Variants in ANO6 observed in about 807,000 individuals in gnomAD.
ANO6 encodes anoctamin-6.
Under a neutral mutation model 117.5 loss-of-function variants are expected in ANO6, and 106 were observed. That is an observed-to-expected ratio of 0.90 (90% CI 0.77 to 1.06). The LOEUF (loss-of-function observed/expected upper bound fraction) is 1.06. Ranked by LOEUF, ANO6 falls within the 50% of genes least tolerant of loss-of-function variation. The probability of loss-of-function intolerance (pLI) is 0.00; values close to 1 mark genes in which losing one functional copy is unlikely to be tolerated. For missense variants in ANO6, 955 were observed against 1,121.1 expected, an observed-to-expected ratio of 0.85 and a Z score of 2.12; for synonymous variants, 367 against 385.1, an observed-to-expected ratio of 0.95 and a Z score of 0.55.
At chr12:45,413,011 G>T (rs1477225057) in intron 16 of ANO6, among the ~76,000 whole-genome samples, 1 of 152,214 alleles carries the variant, frequency 6.6e-6, no homozygotes, top group African/African-American at 2.4e-5. Flanking sequence ...GGACTCACAG[G>T]TGGGAATATC....
intron 1 of ANO6, among the ~76,000 whole-genome samples, chr12:45,261,623 T>A (rs1826250022): frequency 6.6e-6 from 1 of 152,252 alleles, no homozygotes; most frequent in African/African-American, 2.4e-5. Context: ...GCTTCTAATT[T>A]ATTTGTAAAT....
intron 1 of ANO6, among the ~76,000 whole-genome samples, chr12:45,285,727 C>CAA (rs1204485374): frequency 6.4e-4 from 65 of 101,848 alleles, no homozygotes; most frequent in Admixed American, 1.3e-3. Context: ...GACTCCGTCT[C>CAA]AAAAAAAAAA....
Position 45,384,185 on chromosome 12 carries a change from C to T in ANO6, c.1166-3976C>T, listed in dbSNP as rs146220683. The stretch of plus-strand genomic sequence containing the variant: ...CTTTTCTTCTGCAGCTTCCTCACCT[C>T]TCTCAGCCTTCATAGAGTGGAAGGG... On this transcript the variant is annotated intron_variant, in intron 10 of 19. Coordinates refer to ENST00000320560, the MANE Select transcript of ANO6 (RefSeq NM_001025356.3). 1.6e-4 allele frequency among the ~76,000 whole-genome samples: 24 copies of T among 152,334 alleles called. 1 individual carries two copies. The East Asian group carries it at 4.6e-3, about 29-fold the overall frequency.
intron 1 of ANO6, among the ~76,000 whole-genome samples, chr12:45,289,220 G>T (rs371443323): frequency 1.4e-5 from 2 of 142,570 alleles, no homozygotes; most frequent in South Asian, 4.4e-4. Flanking sequence ...AGGCTCAAGT[G>T]CAGGGGTGCA....
intron 8 of ANO6, among the ~76,000 whole-genome samples, chr12:45,367,455 T>G (rs1169819400): frequency 1.3e-5 from 2 of 152,188 alleles, no homozygotes; most frequent in African/African-American, 4.8e-5. Flanking sequence ...AAAGAAACAG[T>G]GATAGCAGAA....
chr12:45,236,026 G>A (rs1947640034), intron 1 of ANO6, among the ~76,000 whole-genome samples: 1 of 152,252 alleles, frequency 6.6e-6, no homozygotes, highest in Non-Finnish European at 1.5e-5. Flanking sequence ...AAGGGGAGAA[G>A]GGTCCTCTCT....
Position 45,388,290 on chromosome 12 carries a change from A to G in ANO6, c.1295A>G (p.Asn432Ser). ...GCACGATGTACTCACGTAGTGATAA[A>G]TGAGATTACTCAGGTAAGCAGGGTC... The part of the protein sequence containing the change: ...YEARCTHVVI[N>S]EITQEEERIP... Residue 432 changes from asparagine (N) to serine (S), a missense_variant, in exon 11 of 20, where the codon AAT becomes AGT. By Grantham distance (46) the Asn-to-Ser change is conservative (BLOSUM62 1). Transcript: ENST00000320560. 6.2e-7 allele frequency: 1 copy of G among 1,614,030 alleles called. No homozygotes were observed. The highest frequency in any genetic ancestry group is 8.5e-7 in the Non-Finnish European group (1 of 1,179,914).
At position 45,340,714 on chromosome 12, in the gene ANO6, T is replaced by G. The variant is rs981220181; in HGVS notation, c.280-6308T>G. On this transcript the variant is annotated intron_variant, in intron 3 of 19. Coordinates refer to ENST00000320560, the MANE Select transcript of ANO6 (RefSeq NM_001025356.3). ...TATGTCAGCCAATATGCAATATTAA[T>G]TATCTTTCATTTTTAACATGGAAGA... is the stretch of plus-strand genomic sequence containing the variant. Among the ~76,000 whole-genome samples the G allele has an allele frequency of 1.9e-4, 29 of 152,170 alleles. 1 individual carries two copies. The highest frequency in any genetic ancestry group is 4.4e-5 in the Non-Finnish European group (3 of 68,004).
intron 9 of ANO6, among the ~76,000 whole-genome samples, chr12:45,374,866 G>A (rs1941958475): frequency 1.3e-5 from 2 of 152,138 alleles, no homozygotes; most frequent in Admixed American, 1.3e-4. Context: ...CAATTTGGCA[G>A]GAGAAAGAAA....
intron 1 of ANO6, among the ~76,000 whole-genome samples, chr12:45,268,681 T>A (rs977015933): frequency 1.3e-5 from 2 of 152,166 alleles, no homozygotes; most frequent in African/African-American, 4.8e-5. Flanking sequence ...AGAGTTGTTG[T>A]GAAAGGCATT....
chr12:45,339,574 C>T (rs930519661), intron 3 of ANO6, among the ~76,000 whole-genome samples: 13 of 152,042 alleles, frequency 8.6e-5, no homozygotes, highest in African/African-American at 1.7e-4. Flanking sequence ...TTAAAATGCT[C>T]GTCTGTTTTT....
intron 17 of ANO6, among the ~76,000 whole-genome samples, chr12:45,420,443 C>T (rs1046471759): frequency 2.0e-5 from 3 of 151,942 alleles, no homozygotes; most frequent in Admixed American, 6.6e-5. Flanking sequence ...TAGTAAGACC[C>T]TATCTCTACA....
In ANO6 at chr12:45,430,687, G is replaced by A. The variant is rs2137739464; in HGVS notation, c.*1376G>A. ...GTCACAAACCCTACCATTATCTGGAGATTACTTCCTGCTGCACTCCTGTCT... is the reference window on the plus strand; with the variant it reads ...GTCACAAACCCTACCATTATCTGGAAATTACTTCCTGCTGCACTCCTGTCT... On this transcript the variant is annotated 3_prime_UTR_variant, in exon 20 of 20. Coordinates refer to ENST00000320560, the MANE Select transcript of ANO6 (RefSeq NM_001025356.3). 1.0e-6 allele frequency: 1 copy of A among 985,444 alleles called. No individual in the cohort carries two copies. Among genetic ancestry groups the A allele is most frequent in the Non-Finnish European group, 1.2e-6 (1 of 829,956 alleles). 61.0% of individuals were successfully genotyped at this position (985,444 alleles called of 1,614,324 possible).
intron 8 of ANO6, among the ~76,000 whole-genome samples, chr12:45,364,149 A>G (rs558840572): frequency 3.3e-4 from 51 of 152,332 alleles, no homozygotes; most frequent in African/African-American, 9.4e-4. Context: ...GGTTTTTATG[A>G]AAAGTTAGCT....
chr12:45,421,320 G>A lies in ANO6; in HGVS notation c.2420+47G>A, dbSNP rs192978093. The A allele has an allele frequency of 1.1e-3, 1,726 of 1,567,066 alleles. 3 individuals carry two copies. Among genetic ancestry groups the A allele is most frequent in the Non-Finnish European group, 1.4e-3 (1,628 of 1,143,262 alleles). On this transcript the variant is annotated intron_variant, in intron 18 of 19. Transcript: ENST00000320560. Reference sequence around the variant, plus strand: ...TAAAAATGCACTTCATCTTTAAAAGGGTTTTTCTTGTGACTTAATTCTGTT... The same window carrying A: ...TAAAAATGCACTTCATCTTTAAAAGAGTTTTTCTTGTGACTTAATTCTGTT...
At chr12:45,389,448 A>G (rs1942384649) in intron 11 of ANO6, among the ~76,000 whole-genome samples, 1 of 152,244 alleles carries the variant, frequency 6.6e-6, no homozygotes, top group Non-Finnish European at 1.5e-5. Context: ...GCAACATGGG[A>G]AAAATACTGA....
intron 9 of ANO6, among the ~76,000 whole-genome samples, chr12:45,369,328 C>G (rs927137184): frequency 2.6e-5 from 4 of 152,248 alleles, no homozygotes; most frequent in Admixed American, 2.6e-4. Flanking sequence ...AAGGCAGATG[C>G]CAGCAATAAG....
chr12:45,341,879 A>C (rs1940989369), intron 3 of ANO6, among the ~76,000 whole-genome samples: 1 of 152,126 alleles, frequency 6.6e-6, no homozygotes, highest in Non-Finnish European at 1.5e-5. Flanking sequence ...AGGGAAGTCG[A>C]GCATGTTAAA....
chr12:45,221,060 G>A (rs530680819), intron 1 of ANO6, among the ~76,000 whole-genome samples: 1 of 110,248 alleles, frequency 9.1e-6, no homozygotes, highest in East Asian at 4.3e-4. Context: ...TGTCGGAAGT[G>A]GGGGGGGGCA....
Sources: allele counts gnomAD v4.1 joint callset (sites outside exome capture counted in the v4.1 genomes callset), GRCh38; gene constraint gnomAD v4.1.1; transcripts MANE v1.5; gene names NCBI Gene and HGNC (gene_info 2026-07-23, HGNC 2026-07-21).